ADGRV1: variants seen among roughly 807,000 people sequenced by gnomAD.
ADGRV1 encodes the protein adhesion G protein-coupled receptor V1.
A neutral mutation model predicts 596.2 loss-of-function variants in ADGRV1; 359 were observed. That is an observed-to-expected ratio of 0.60 (90% CI 0.55 to 0.66). The LOEUF is 0.66. Among genes scored for constraint, ADGRV1 ranks in the 30% least tolerant of loss-of-function variants. ADGRV1 has a pLI of 0.00. For missense variants in ADGRV1, 7,274 were observed against 7,575.6 expected (o/e 0.96, Z 1.48); for synonymous variants, 2,681 against 2,679.2 (o/e 1.00, Z -0.02).
At chr5:90,944,992 T>A (rs373349528) in intron 83 of ADGRV1, among the ~76,000 whole-genome samples, 62 of 152,300 alleles carry the variant, frequency 4.1e-4, no homozygotes, top group African/African-American at 1.4e-3. Context: ...TGTGGTTAAA[T>A]CGAAAATAAT....
Position 90,643,926 on chromosome 5 carries a change from G to A in ADGRV1, c.2677G>A (p.Val893Ile), listed in dbSNP as rs753890074. 6.2e-7 allele frequency: 1 copy of A among 1,612,348 alleles called. No individual in the cohort carries two copies. The highest frequency in any genetic ancestry group is 1.1e-5 in the South Asian group (1 of 90,908). ...TGATCCTCATGGCATTATAGAATTTGTTTCTGATGGTCTAATTGTGATGAT... is the reference window on the plus strand; with the variant it reads ...TGATCCTCATGGCATTATAGAATTTATTTCTGATGGTCTAATTGTGATGAT... The part of the protein sequence containing the change: ...NDDPHGIIEF[V>I]SDGLIVMINE... The change falls in exon 14 of 90, where the codon GTT becomes ATT. Residue 893 changes from valine to isoleucine, a missense_variant. Physicochemically the swap from Val to Ile is conservative, Grantham distance 29. Coordinates refer to ENST00000405460, the MANE Select transcript of ADGRV1 (RefSeq NM_032119.4).
In ADGRV1 at chr5:90,617,904, A is replaced by G. The variant is rs757711898; in HGVS notation, c.308A>G (p.Asp103Gly). 3 of 1,595,068 alleles carry G rather than the reference A, an allele frequency of 1.9e-6. No individual in the cohort carries two copies. Among genetic ancestry groups the G allele is most frequent in the South Asian group, 2.3e-5 (2 of 87,890 alleles). Residue 103 changes from aspartate (D) to glycine (G), a missense_variant, in exon 3 of 90, where the codon GAT becomes GGT. Asp to Gly is a moderately conservative substitution (Grantham distance 94, BLOSUM62 -1). Around this residue, in one of 5 missense-constraint regions of ADGRV1, gnomAD observed 1,715 missense variants for 1,708.8 expected, o/e 1.00. Transcript: ENST00000405460. ...ACAGTGTACATAGCAGTATGTGATG[A>G]TGACTTACCAGAGCCTGACGAAACT... is the stretch of plus-strand genomic sequence containing the variant. ...NRTVYIAVCD[D>G]DLPEPDETFI...
rs755371825 is a variant in ADGRV1 at position 90,627,592 on chromosome 5, C to A, written c.1054C>A (p.Pro352Thr). The A allele has an allele frequency of 1.5e-5, 24 of 1,613,724 alleles. No homozygotes were observed. The highest frequency in any genetic ancestry group is 1.9e-5 in the Non-Finnish European group (23 of 1,179,826). Residue 352 changes from proline to threonine, a missense_variant, in exon 7 of 90, where the codon CCG becomes ACG. Pro to Thr is a conservative substitution (Grantham distance 38). Around this residue, in one of 5 missense-constraint regions of ADGRV1, gnomAD observed 1,715 missense variants for 1,708.8 expected, o/e 1.00. Coordinates refer to ENST00000405460, the MANE Select transcript of ADGRV1 (RefSeq NM_032119.4). ...ATTTCAAATAGTTGATGACACCATA[C>A]CGGAGATTGCTGAATCGTTTCACAT... ...LKFQIVDDTI[P>T]EIAESFHIML... is the part of the protein sequence containing the mutation.
At chr5:90,570,212 A>T (rs1183012809) in intron 1 of ADGRV1, among the ~76,000 whole-genome samples, 24 of 152,182 alleles carry the variant, frequency 1.6e-4, no homozygotes, top group Admixed American at 1.6e-3. Flanking sequence ...ATTTTGTTGC[A>T]TATAGTATCC....
intron 78 of ADGRV1, among the ~76,000 whole-genome samples, chr5:90,848,433 A>G (rs1407032355): frequency 6.6e-6 from 1 of 152,082 alleles, no homozygotes; most frequent in Non-Finnish European, 1.5e-5. Context: ...CCTTTTCTTT[A>G]TAGATGATTA....
At chr5:90,620,478 T>C (rs1455598851) in intron 4 of ADGRV1, among the ~76,000 whole-genome samples, 2 of 152,210 alleles carry the variant, frequency 1.3e-5, no homozygotes, top group Non-Finnish European at 2.9e-5. Context: ...TTTGAGTTCA[T>C]TGTAGATTCT....
intron 82 of ADGRV1, among the ~76,000 whole-genome samples, chr5:90,862,210 G>T (rs902655903): frequency 6.6e-6 from 1 of 152,188 alleles, no homozygotes; most frequent in Non-Finnish European, 1.5e-5. Flanking sequence ...AAGTTGACTT[G>T]TGTATGTCTC....
At chr5:91,146,290 A>C (rs1271894254) in intron 87 of ADGRV1, among the ~76,000 whole-genome samples, 5 of 152,364 alleles carry the variant, frequency 3.3e-5, no homozygotes, top group Admixed American at 2.6e-4. Context: ...ACCAAGCTTT[A>C]TAGACACACC....
intron 87 of ADGRV1, among the ~76,000 whole-genome samples, chr5:91,131,072 A>T (rs1794176564): frequency 6.6e-6 from 1 of 152,228 alleles, no homozygotes; most frequent in Non-Finnish European, 1.5e-5. Flanking sequence ...TAGTGCTGTG[A>T]TAATAATATG....
At chr5:91,106,552 G>T (rs1305520310) in intron 87 of ADGRV1, among the ~76,000 whole-genome samples, 1 of 152,206 alleles carries the variant, frequency 6.6e-6, no homozygotes, top group Non-Finnish European at 1.5e-5. Flanking sequence ...TCTGTAGATT[G>T]CTTTGGCTAG....
intron 86 of ADGRV1, among the ~76,000 whole-genome samples, chr5:91,088,992 C>CT (rs977232724): frequency 1.3e-5 from 2 of 151,742 alleles, no homozygotes; most frequent in Non-Finnish European, 2.9e-5. Flanking sequence ...CATTGTTTCC[C>CT]TTTTTTTTCT....
chr5:90,602,184 C>A (rs1761489736), intron 1 of ADGRV1, among the ~76,000 whole-genome samples: 1 of 152,128 alleles, frequency 6.6e-6, no homozygotes, highest in Non-Finnish European at 1.5e-5. Context: ...TGCAGATTTA[C>A]AATACAACAT....
At chr5:90,788,964 G>A (rs1759783486) in intron 68 of ADGRV1, among the ~76,000 whole-genome samples, 1 of 151,880 alleles carries the variant, frequency 6.6e-6, no homozygotes, top group Non-Finnish European at 1.5e-5. Context: ...GTGAGGGCTG[G>A]CAAGTCCAAA....
chr5:91,094,780 T>C (rs981051371), intron 86 of ADGRV1, among the ~76,000 whole-genome samples: 2 of 152,150 alleles, frequency 1.3e-5, no homozygotes, highest in Non-Finnish European at 2.9e-5. Flanking sequence ...AATTCAGCTG[T>C]GGAGGAACTC....
At chr5:91,041,767 C>G (rs943807579) in intron 85 of ADGRV1, among the ~76,000 whole-genome samples, 2 of 152,050 alleles carry the variant, frequency 1.3e-5, no homozygotes, top group Non-Finnish European at 2.9e-5. Flanking sequence ...CAAGGCCTAG[C>G]TTAACATCAA....
In ADGRV1 at chr5:90,763,467, G is replaced by A. The variant is rs876657818; in HGVS notation, c.12283G>A (p.Glu4095Lys). 8 of 1,611,852 alleles carry A rather than the reference G, an allele frequency of 5.0e-6. No individual in the cohort carries two copies. The highest frequency in any genetic ancestry group is 5.9e-6 in the Non-Finnish European group (7 of 1,178,238). The change falls in exon 59 of 90, where the codon GAG becomes AAG. Residue 4095 changes from glutamate to lysine, a missense_variant and splice_region_variant. Glu to Lys is a moderately conservative substitution (Grantham distance 56). Transcript: ENST00000405460. Reference protein sequence around the residue: ...SPLNGTLHFDETESQKTIVLH... With the variant: ...SPLNGTLHFDKTESQKTIVLH... ...TTTGAATGGGACCCTTCATTTTGAT[G>A]AGGTATAGTCAGCATTAGCACTCCT...
At chr5:90,613,840 C>A (rs566153844) in intron 1 of ADGRV1, among the ~76,000 whole-genome samples, 13 of 152,060 alleles carry the variant, frequency 8.5e-5, no homozygotes, top group Non-Finnish European at 1.6e-4. Context: ...AGTGGAAACA[C>A]CACATACAAG....
intron 66 of ADGRV1, 35 bp from the exon 67 acceptor site, chr5:90,783,803 T>G: frequency 6.7e-7 from 1 of 1,483,668 alleles, no homozygotes; most frequent in Non-Finnish European, 9.2e-7. Context: ...TTTAATATGT[T>G]TAGACTCACA....
intron 86 of ADGRV1, among the ~76,000 whole-genome samples, chr5:91,100,933 T>C (rs981242369): frequency 1.3e-5 from 2 of 152,110 alleles, no homozygotes; most frequent in Non-Finnish European, 2.9e-5. Context: ...ATCAAAAGTG[T>C]CAGGGTTACA....
Sources: gnomAD v4.1 joint callset for allele counts (sites outside exome capture counted in the v4.1 genomes callset) on GRCh38, gnomAD v4.1.1 for gene constraint, gnomAD v4.1.1 regional missense constraint, MANE v1.5 for transcripts, NCBI Gene and HGNC (gene_info 2026-07-23, HGNC 2026-07-21) for gene names.